The following SPOCK3 variants were observed in gnomAD, a reference collection of about 807,000 sequenced individuals.
The protein encoded by SPOCK3 is testican-3.
A neutral mutation model predicts 56.6 loss-of-function variants in SPOCK3; 30 were observed. That is an observed-to-expected ratio of 0.53 (90% CI 0.40 to 0.72). The LOEUF is 0.72. Ranked by LOEUF, SPOCK3 falls within the 30% of genes least tolerant of loss-of-function variation. SPOCK3 has a pLI of 0.00. For synonymous variants in SPOCK3, 196 were observed against 183.3 expected (o/e 1.07, Z -0.56); for missense variants, 527 against 530.0 (o/e 0.99, Z 0.06).
In SPOCK3 at chr4:167,135,445, A is replaced by G. The variant is rs77291222; in HGVS notation, c.190-72908T>C. Among the ~76,000 whole-genome samples, 243 of 152,272 alleles carry G rather than the reference A, an allele frequency of 1.6e-3. 5 individuals carry two copies. In the East Asian group the frequency reaches 0.044, roughly 28 times the overall value. On this transcript the variant is annotated intron_variant, in intron 2 of 10. Transcript: ENST00000357545. ...AATTTGGGATTGTCATCAGGGGAAG[A>G]CAATAATTTTAATTAGATTCAATCA...
chr4:166,876,451 A>G (rs189520843), intron 6 of SPOCK3, among the ~76,000 whole-genome samples: 106 of 152,318 alleles, frequency 7.0e-4, no homozygotes, highest in Non-Finnish European at 1.2e-3. Flanking sequence ...TGGGGAAAAC[A>G]ATCAGCATAA....
At chr4:166,980,752 G>A (rs1746484915) in intron 4 of SPOCK3, among the ~76,000 whole-genome samples, 2 of 152,212 alleles carry the variant, frequency 1.3e-5, no homozygotes. Context: ...TCTGCTGTAG[G>A]CACCTGTGTG....
At chr4:167,151,386 C>T (rs1364071482) in intron 2 of SPOCK3, among the ~76,000 whole-genome samples, 2 of 119,106 alleles carry the variant, frequency 1.7e-5, no homozygotes, top group African/African-American at 6.9e-5. Flanking sequence ...GCTGCTCAGG[C>T]TAACTTTTTG....
At chr4:166,909,807 C>A (rs1323753401) in intron 5 of SPOCK3, among the ~76,000 whole-genome samples, 1 of 152,106 alleles carries the variant, frequency 6.6e-6, no homozygotes, top group Admixed American at 6.6e-5. Flanking sequence ...AGTTTATTGA[C>A]AAAATTTAGT....
chr4:167,016,110 T>C (rs1257068187), intron 3 of SPOCK3, among the ~76,000 whole-genome samples: 1 of 152,146 alleles, frequency 6.6e-6, no homozygotes, highest in Non-Finnish European at 1.5e-5. Flanking sequence ...ATCCAATTTT[T>C]GAAACTGACA....
chr4:166,833,645 T>C (rs72984099), intron 6 of SPOCK3, among the ~76,000 whole-genome samples: 1 of 152,218 alleles, frequency 6.6e-6, no homozygotes, highest in Non-Finnish European at 1.5e-5. Flanking sequence ...GCCCCACATA[T>C]TCCCCATTCT....
At chr4:167,176,053 CT>C (rs1426254268) in intron 2 of SPOCK3, among the ~76,000 whole-genome samples, 1 of 151,994 alleles carries the variant, frequency 6.6e-6, no homozygotes, top group Non-Finnish European at 1.5e-5. Flanking sequence ...GCTATCCTTG[CT>C]TTTTTTAGTT....
intron 2 of SPOCK3, among the ~76,000 whole-genome samples, chr4:167,205,344 T>TA (rs1350824163): frequency 1.1e-4 from 4 of 37,920 alleles, no homozygotes; most frequent in Non-Finnish European, 1.6e-4. Flanking sequence ...TTATATATTA[T>TA]ATATATAATA....
intron 4 of SPOCK3, among the ~76,000 whole-genome samples, chr4:166,958,329 C>T (rs1238571028): frequency 2.0e-5 from 3 of 152,184 alleles, no homozygotes; most frequent in Non-Finnish European, 4.4e-5. Flanking sequence ...AAGCAGACCC[C>T]ACTGTGCTTC....
intron 2 of SPOCK3, among the ~76,000 whole-genome samples, chr4:167,223,269 C>A (rs1385952494): frequency 2.2e-5 from 3 of 136,542 alleles, no homozygotes; most frequent in South Asian, 2.3e-4. Context: ...TGTATATATT[C>A]ATTTATAAAT....
chr4:166,948,496 C>T (rs72697571), intron 4 of SPOCK3, among the ~76,000 whole-genome samples: 14,360 of 152,124 alleles, frequency 0.094, 939 homozygotes, highest in Admixed American at 0.22. Flanking sequence ...TGTTAGAGAT[C>T]CCTTTTCTTC....
chr4:167,154,254 C>T (rs1207387595), intron 2 of SPOCK3, among the ~76,000 whole-genome samples: 22 of 151,832 alleles, frequency 1.4e-4, no homozygotes, highest in Non-Finnish European at 4.4e-5. Flanking sequence ...AACACTGCAT[C>T]TAGAAAGAGA....
chr4:166,846,578 T>C (rs1174966911), intron 6 of SPOCK3, among the ~76,000 whole-genome samples: 1 of 152,136 alleles, frequency 6.6e-6, no homozygotes, highest in Non-Finnish European at 1.5e-5. Flanking sequence ...CATACATTTT[T>C]GTCAGACAGT....
intron 2 of SPOCK3, among the ~76,000 whole-genome samples, chr4:167,181,851 T>G (rs894486323): frequency 6.6e-6 from 1 of 152,160 alleles, no homozygotes; most frequent in African/African-American, 2.4e-5. Context: ...TTTTCTTCAT[T>G]TCAATAGTCA....
chr4:167,174,114 T>C (rs574961940), intron 2 of SPOCK3, among the ~76,000 whole-genome samples: 28 of 152,254 alleles, frequency 1.8e-4, no homozygotes, highest in African/African-American at 6.3e-4. Context: ...TACTTATTTA[T>C]GCAAGAACAC....
intron 2 of SPOCK3, among the ~76,000 whole-genome samples, chr4:167,173,824 T>C (rs1486175222): frequency 6.6e-6 from 1 of 152,106 alleles, no homozygotes; most frequent in South Asian, 2.1e-4. Context: ...AAATTAGTGA[T>C]TGTAGCCTTA....
At chr4:167,014,819 G>A (rs953834331) in intron 3 of SPOCK3, among the ~76,000 whole-genome samples, 2 of 151,956 alleles carry the variant, frequency 1.3e-5, no homozygotes, top group African/African-American at 2.4e-5. Context: ...TGGGCTGGCC[G>A]TTAGGATGGA....
chr4:166,860,076 A>G (rs1299002651), intron 6 of SPOCK3, among the ~76,000 whole-genome samples: 2 of 152,182 alleles, frequency 1.3e-5, no homozygotes, highest in African/African-American at 4.8e-5. Flanking sequence ...ACTATGCAGG[A>G]ATGAGTGACA....
intron 8 of SPOCK3, among the ~76,000 whole-genome samples, chr4:166,746,357 A>G (rs1735615882): frequency 6.6e-6 from 1 of 152,226 alleles, no homozygotes; most frequent in Non-Finnish European, 1.5e-5. Context: ...CCACTCAACT[A>G]CATGGAAACT....
Sources: gnomAD v4.1 joint callset for allele counts (sites outside exome capture counted in the v4.1 genomes callset) on GRCh38, gnomAD v4.1.1 for gene constraint, MANE v1.5 for transcripts, NCBI Gene and HGNC (gene_info 2026-07-23, HGNC 2026-07-21) for gene names.